Variants in CNNM2 observed in about 807,000 individuals in gnomAD.
CNNM2 encodes the protein metal transporter CNNM2.
Under a neutral mutation model 66.9 loss-of-function variants are expected in CNNM2, and 12 were observed. The ratio of observed to expected loss-of-function variants is 0.18; its 90% confidence interval spans 0.11 to 0.29. The LOEUF is 0.29. Ranked by LOEUF, CNNM2 falls within the 10% of genes least tolerant of loss-of-function variation. The probability of loss-of-function intolerance (pLI) is 1.00; values close to 1 mark genes in which losing one functional copy is unlikely to be tolerated. For synonymous variants in CNNM2, 557 were observed against 501.8 expected, an observed-to-expected ratio of 1.11 and a Z score of -1.47; for missense variants, 705 against 1,167.7, an observed-to-expected ratio of 0.60 and a Z score of 5.77.
rs1282813379 is a variant in CNNM2, at chr10:103,079,317, C to G, written c.*2137C>G. The G allele has an allele frequency of 6.6e-6, 1 of 152,312 alleles. No homozygotes were observed. Among genetic ancestry groups the G allele is most frequent in the African/African-American group, 2.4e-5 (1 of 41,456 alleles). The allele number at this position is 152,312 out of a possible 1,614,324, so 9.4% of individuals were successfully genotyped here. A position where few individuals can be genotyped will look rare whatever the true frequency, so the allele number is the denominator to read the frequency against. ...CCTCTTCGGGTCTGCGCAGTGCTGG[C>G]CTTCCCTGAGCTGTGGGGAGCCAAG... On this transcript the variant is annotated 3_prime_UTR_variant, in exon 8 of 8. Transcript: ENST00000369878.
intron 1 of CNNM2, among the ~76,000 whole-genome samples, chr10:103,041,898 C>T (rs562768532): frequency 1.3e-4 from 20 of 152,248 alleles, no homozygotes; most frequent in Middle Eastern, 3.4e-3. Context: ...CTCTTTTCGC[C>T]ATCCATGGCC....
At position 102,918,297 on chromosome 10, in the gene CNNM2, TC is replaced by T; in HGVS notation, c.-181del. 5.6e-6 allele frequency: 6 copies of T among 1,063,634 alleles called. No individual in the cohort carries two copies. Among genetic ancestry groups the T allele is most frequent in the Non-Finnish European group, 7.7e-6 (6 of 778,872 alleles). 65.9% of individuals were successfully genotyped at this position (1,063,634 alleles called of 1,614,324 possible). ...CGGGAGCAGCCGGCGCTCCTCTCCC[TC>T]CCTCTTTCCCTCCCGCGAGCCTCGG... On this transcript the variant is annotated 5_prime_UTR_variant, in exon 1 of 8. Transcript: ENST00000369878. This position sits in a 1 kb window ranked among gnomAD's most constrained non-coding sequence, Gnocchi z 4.1.
At position 103,078,553 on chromosome 10, in the gene CNNM2, TATGTC is replaced by T. The variant is rs1277608170; in HGVS notation, c.*1375_*1379del. On this transcript the variant is annotated 3_prime_UTR_variant, in exon 8 of 8. Coordinates refer to ENST00000369878, the MANE Select transcript of CNNM2 (RefSeq NM_017649.5). ...TACCAAATTCATCATGTAGTGAAAT[TATGTC>T]AGGAGGTATATGAGTGACTGAATTC... 5 of 152,254 alleles carry T rather than the reference TATGTC, an allele frequency of 3.3e-5. No individual in the cohort carries two copies. Among genetic ancestry groups the T allele is most frequent in the Non-Finnish European group, 1.5e-5 (1 of 68,040 alleles). The allele number at this position is 152,254 out of a possible 1,614,324, so 9.4% of individuals were successfully genotyped here. A position where few individuals can be genotyped will look rare whatever the true frequency, so the allele number is the denominator to read the frequency against.
intron 1 of CNNM2, among the ~76,000 whole-genome samples, chr10:102,928,432 A>G (rs1845951379): frequency 6.6e-6 from 1 of 152,006 alleles, no homozygotes; most frequent in African/African-American, 2.4e-5. Flanking sequence ...AACACAAAAA[A>G]TTAGCCAGCT....
At position 103,076,135 on chromosome 10, in the gene CNNM2, T is replaced by C. The variant is rs2065686296; in HGVS notation, c.2283T>C (p.Ser761=). 7 of 1,611,510 alleles carry C rather than the reference T, an allele frequency of 4.3e-6. No homozygotes were observed. Among genetic ancestry groups the C allele is most frequent in the Non-Finnish European group, 5.1e-6 (6 of 1,178,974 alleles). ...PRPCGLNHSD[S]LSRSDRIDAV... ...CATGTGGCTTGAATCACTCAGACTC[T>C]CTCAGTCGAAGCGACCGGATTGACG... The change falls in exon 7 of 8, where the codon TCT becomes TCC. Residue 761 remains serine (S), a synonymous_variant. Transcript: ENST00000369878.
At chr10:102,968,691 C>T (rs1457024846) in intron 1 of CNNM2, among the ~76,000 whole-genome samples, 2 of 151,584 alleles carry the variant, frequency 1.3e-5, no homozygotes, top group African/African-American at 2.4e-5. Flanking sequence ...GCAACCTTGA[C>T]CTCTGTGGCT....
At chr10:103,021,859 T>C (rs2064588423) in intron 1 of CNNM2, among the ~76,000 whole-genome samples, 1 of 152,238 alleles carries the variant, frequency 6.6e-6, no homozygotes, top group South Asian at 2.1e-4. Context: ...AAGAATTACT[T>C]CTGCCGTGTA....
chr10:103,041,026 AG>A (rs1180338924), intron 1 of CNNM2, among the ~76,000 whole-genome samples: 2 of 152,188 alleles, frequency 1.3e-5, no homozygotes, highest in African/African-American at 4.8e-5. Context: ...TCTATGCTTA[AG>A]GGACCTGCTA....
intron 1 of CNNM2, among the ~76,000 whole-genome samples, chr10:103,000,350 A>G (rs2064095165): frequency 6.6e-6 from 1 of 152,164 alleles, no homozygotes; most frequent in Non-Finnish European, 1.5e-5. Context: ...GAATTACCGT[A>G]TGATCCAGCA....
chr10:103,016,359 A>G (rs1458922276), intron 1 of CNNM2, among the ~76,000 whole-genome samples: 1 of 152,036 alleles, frequency 6.6e-6, no homozygotes, highest in African/African-American at 2.4e-5. Context: ...TCTTTTCAAT[A>G]TTTCAATATT....
chr10:102,951,275 C>T (rs1015291867), intron 1 of CNNM2, among the ~76,000 whole-genome samples: 27 of 152,086 alleles, frequency 1.8e-4, no homozygotes, highest in Non-Finnish European at 7.4e-5. Context: ...TGGCTTACTG[C>T]AACCTCCACC....
intron 1 of CNNM2, among the ~76,000 whole-genome samples, chr10:103,030,219 A>G (rs139526355): frequency 1.8e-3 from 267 of 152,338 alleles, no homozygotes; most frequent in African/African-American, 6.2e-3. Context: ...TGCCATCCCA[A>G]AGAACTTAAA....
intron 1 of CNNM2, among the ~76,000 whole-genome samples, chr10:102,985,543 T>A (rs1006895483): frequency 6.6e-6 from 1 of 152,190 alleles, no homozygotes; most frequent in East Asian, 1.9e-4. Context: ...GTCTCACTTA[T>A]GTTCTCCTTC....
intron 1 of CNNM2, among the ~76,000 whole-genome samples, chr10:103,003,660 CTAAAAA>C (rs915979404): frequency 1.2e-4 from 18 of 151,884 alleles, no homozygotes; most frequent in Non-Finnish European, 2.4e-4. Context: ...CCTGTCTCTA[CTAAAAA>C]TACAAAAATT....
intron 1 of CNNM2, among the ~76,000 whole-genome samples, chr10:102,990,386 A>AT (rs1590358164): frequency 6.6e-6 from 1 of 152,174 alleles, no homozygotes; most frequent in East Asian, 1.9e-4. Flanking sequence ...TGGATAAGCA[A>AT]TTGTAGGGAT....
At chr10:103,071,136 T>C (rs2065573308) in intron 5 of CNNM2, among the ~76,000 whole-genome samples, 1 of 152,216 alleles carries the variant, frequency 6.6e-6, no homozygotes, top group Non-Finnish European at 1.5e-5. Flanking sequence ...AAGACCTACC[T>C]GCCCCAGAGG....
chr10:102,957,131 G>A (rs376610301), intron 1 of CNNM2, among the ~76,000 whole-genome samples: 3 of 151,858 alleles, frequency 2.0e-5, no homozygotes, highest in South Asian at 2.1e-4. Flanking sequence ...GTGAAACCCC[G>A]TCTCTACTAA....
At chr10:102,954,131 T>C (rs12248742) in intron 1 of CNNM2, among the ~76,000 whole-genome samples, 128 of 122,304 alleles carry the variant, frequency 1.0e-3, no homozygotes, top group Admixed American at 1.5e-3. Flanking sequence ...CTTTTCTTTT[T>C]TTTTTTTTTT....
At chr10:103,001,078 G>T (rs142770716) in intron 1 of CNNM2, among the ~76,000 whole-genome samples, 12 of 152,176 alleles carry the variant, frequency 7.9e-5, no homozygotes, top group South Asian at 2.1e-4. Context: ...GAAATAAGCC[G>T]GTCACAAAAA....
Sources: gnomAD v4.1 joint callset for allele counts (sites outside exome capture counted in the v4.1 genomes callset) on GRCh38, gnomAD v4.1.1 for gene constraint, Gnocchi (gnomAD v3.1) non-coding constraint, MANE v1.5 for transcripts, NCBI Gene and HGNC (gene_info 2026-07-23, HGNC 2026-07-21) for gene names.